Variants in PIP4K2A observed in about 807,000 individuals in gnomAD.
PIP4K2A encodes the protein phosphatidylinositol-5-phosphate 4-kinase type 2 alpha, also known as phosphatidylinositol 5-phosphate 4-kinase type-2 alpha.
Under a neutral mutation model 42.9 loss-of-function variants are expected in PIP4K2A, and 14 were observed. That is an observed-to-expected ratio of 0.33 (90% confidence interval 0.22 to 0.51). The LOEUF is 0.51. PIP4K2A is among the 20% of genes least tolerant of loss of function. The pLI, the probability that PIP4K2A is intolerant of heterozygous loss-of-function variation, is 0.97. For synonymous variants in PIP4K2A, 192 were observed against 192.2 expected (o/e 1.00, Z 0.01); for missense variants, 434 against 519.8 (o/e 0.83, Z 1.61).
At chr10:22,617,484 T>C (rs564136971) in intron 1 of PIP4K2A, among the ~76,000 whole-genome samples, 33 of 152,340 alleles carry the variant, frequency 2.2e-4, no homozygotes, top group Admixed American at 5.9e-4. Flanking sequence ...TTAATTCAGA[T>C]ATATTCACCC....
intron 1 of PIP4K2A, among the ~76,000 whole-genome samples, chr10:22,698,908 C>T (rs1833651818): frequency 6.6e-6 from 1 of 152,120 alleles, no homozygotes; most frequent in Non-Finnish European, 1.5e-5. Context: ...AACCATATTT[C>T]TAGTTCACCT....
At chr10:22,626,681 T>C (rs539699546) in intron 1 of PIP4K2A, among the ~76,000 whole-genome samples, 2 of 152,342 alleles carry the variant, frequency 1.3e-5, no homozygotes, top group African/African-American at 4.8e-5. Flanking sequence ...ACAAATTTAC[T>C]TCATATTTTA....
At chr10:22,685,319 A>ATTTAGTC in intron 1 of PIP4K2A, among the ~76,000 whole-genome samples, 1 of 152,310 alleles carries the variant, frequency 6.6e-6, no homozygotes. Flanking sequence ...TAATACTAAA[A>ATTTAGTC]AATTTCAGAA....
intron 1 of PIP4K2A, among the ~76,000 whole-genome samples, chr10:22,657,922 T>C (rs1839132514): frequency 6.6e-6 from 1 of 152,234 alleles, no homozygotes; most frequent in South Asian, 2.1e-4. Flanking sequence ...CTAATGCTAT[T>C]GTGAAATCAT....
intron 8 of PIP4K2A, 131 bp downstream of exon 8, chr10:22,541,673 T>C (rs1467877088): frequency 3.8e-6 from 4 of 1,054,566 alleles, no homozygotes; most frequent in Non-Finnish European, 5.4e-6. Context: ...CCCAAATCCA[T>C]TTCTTTGGAG....
At chr10:22,707,274 G>A (rs1833839585) in intron 1 of PIP4K2A, among the ~76,000 whole-genome samples, 1 of 152,170 alleles carries the variant, frequency 6.6e-6, no homozygotes, top group African/African-American at 2.4e-5. Context: ...AAGGAACTGA[G>A]AGGCAAAATA....
chr10:22,608,640 G>T (rs914908173), intron 2 of PIP4K2A, among the ~76,000 whole-genome samples: 12 of 152,188 alleles, frequency 7.9e-5, no homozygotes, highest in African/African-American at 2.9e-4. Context: ...GGGAGACTGA[G>T]GTGGGAGGAT....
intron 4 of PIP4K2A, among the ~76,000 whole-genome samples, chr10:22,577,850 G>A (rs76029117): frequency 0.03 from 4,499 of 152,166 alleles, 97 homozygotes; most frequent in Middle Eastern, 0.048. Context: ...AACACAAAAC[G>A]CCCTCTCAAT....
chr10:22,620,570 T>G (rs1221291783), intron 1 of PIP4K2A, among the ~76,000 whole-genome samples: 1 of 152,242 alleles, frequency 6.6e-6, no homozygotes, highest in Non-Finnish European at 1.5e-5. Context: ...ATTTAGAAAA[T>G]GCTTGAATTA....
intron 6 of PIP4K2A, 47 bp from the exon 7 acceptor site, chr10:22,550,819 TA>T: frequency 8.4e-7 from 1 of 1,190,638 alleles, no homozygotes; most frequent in Non-Finnish European, 1.3e-6. Flanking sequence ...GAAGAAAACC[TA>T]AAAAAACCAC....
At chr10:22,664,300 G>A (rs1839307752) in intron 1 of PIP4K2A, among the ~76,000 whole-genome samples, 1 of 144,274 alleles carries the variant, frequency 6.9e-6, no homozygotes, top group African/African-American at 2.6e-5. Context: ...TGTTCAGAAA[G>A]ACTATTAAAT....
chr10:22,550,910 AAAC>A, intron 6 of PIP4K2A, 138 bp from the exon 7 acceptor site: 4 of 634,056 alleles, frequency 6.3e-6, no homozygotes. Flanking sequence ...GGTCTTACCC[AAAC>A]AATAAAATAG....
chr10:22,577,255 G>T (rs1014199848), intron 4 of PIP4K2A, among the ~76,000 whole-genome samples: 1 of 151,982 alleles, frequency 6.6e-6, no homozygotes, highest in African/African-American at 2.4e-5. Context: ...CATGGGAGGG[G>T]AATGGCTTGA....
intron 7 of PIP4K2A, among the ~76,000 whole-genome samples, chr10:22,550,060 G>C (rs1836365359): frequency 6.6e-6 from 1 of 152,014 alleles, no homozygotes; most frequent in African/African-American, 2.4e-5. Flanking sequence ...AAAGCCCCTT[G>C]GACACTGTTC....
chr10:22,655,883 G>T (rs112425911), intron 1 of PIP4K2A, among the ~76,000 whole-genome samples: 76 of 152,210 alleles, frequency 5.0e-4, no homozygotes, highest in African/African-American at 1.7e-3. Flanking sequence ...AGTGTGTTGT[G>T]CTGGGTGTGT....
At chr10:22,633,863 A>C (rs1838606426) in intron 1 of PIP4K2A, among the ~76,000 whole-genome samples, 1 of 152,142 alleles carries the variant, frequency 6.6e-6, no homozygotes, top group Non-Finnish European at 1.5e-5. Context: ...TAGAAAAGTG[A>C]GTGTCGGCTT....
chr10:22,703,941 G>C (rs58854363), intron 1 of PIP4K2A, among the ~76,000 whole-genome samples: 7 of 152,104 alleles, frequency 4.6e-5, no homozygotes, highest in South Asian at 2.1e-4. Flanking sequence ...TTTCTGAGAC[G>C]GGAAGAGGCC....
At chr10:22,701,981 A>C (rs1833723502) in intron 1 of PIP4K2A, among the ~76,000 whole-genome samples, 3 of 152,170 alleles carry the variant, frequency 2.0e-5, no homozygotes, top group Admixed American at 2.0e-4. Flanking sequence ...AAACCATGCC[A>C]CCCCAGGGAC....
chr10:22,599,852 A>G (rs1240864475), intron 3 of PIP4K2A, among the ~76,000 whole-genome samples: 1 of 152,222 alleles, frequency 6.6e-6, no homozygotes, highest in Non-Finnish European at 1.5e-5. Flanking sequence ...GAAGGCAATG[A>G]TAGATGAAGC....
Sources: gnomAD v4.1 joint callset for allele counts (sites outside exome capture counted in the v4.1 genomes callset) on GRCh38, gnomAD v4.1.1 for gene constraint, MANE v1.5 for transcripts, NCBI Gene and HGNC (gene_info 2026-07-23, HGNC 2026-07-21) for gene names.